The following NFIB variants were observed in gnomAD, a reference collection of about 807,000 sequenced individuals.
NFIB encodes the protein nuclear factor I B, also known as nuclear factor 1 B-type.
A neutral mutation model predicts 61.5 loss-of-function variants in NFIB; 11 were observed. That is an observed-to-expected ratio of 0.18 (90% confidence interval 0.11 to 0.30). NFIB has a LOEUF of 0.30. Among genes scored for constraint, NFIB ranks in the 10% least tolerant of loss-of-function variants. NFIB has a pLI of 1.00. For missense variants in NFIB, 471 were observed against 608.9 expected (o/e 0.77, Z 2.38); for synonymous variants, 260 against 216.5 (o/e 1.20, Z -1.76).
chr9:14,341,324 A>G (rs570787639), intron 1 of NFIB, among the ~76,000 whole-genome samples: 2 of 152,278 alleles, frequency 1.3e-5, no homozygotes, highest in East Asian at 3.9e-4. Context: ...GAAATCTGCA[A>G]TGAGAAGGGG....
chr9:14,309,548 T>C (rs968722080), intron 1 of NFIB, among the ~76,000 whole-genome samples: 9 of 152,238 alleles, frequency 5.9e-5, no homozygotes, highest in Non-Finnish European at 1.3e-4. Context: ...ATTCAGTTAC[T>C]ATGCGAGCAC....
intron 2 of NFIB, among the ~76,000 whole-genome samples, chr9:14,190,429 A>T (rs1276092394): frequency 1.3e-5 from 2 of 152,226 alleles, no homozygotes; most frequent in African/African-American, 2.4e-5. Context: ...ATTAGAGGAA[A>T]AAAATCAGAT....
At chr9:14,396,544 G>A (rs1381442925) in intron 1 of NFIB, among the ~76,000 whole-genome samples, 1 of 151,278 alleles carries the variant, frequency 6.6e-6, no homozygotes, top group Non-Finnish European at 1.5e-5. Context: ...CCTGGGCTTT[G>A]GGGAAAAAAA....
At chr9:14,095,745 G>T (rs2034673404) in intron 10 of NFIB, among the ~76,000 whole-genome samples, 2 of 151,986 alleles carry the variant, frequency 1.3e-5, no homozygotes, top group Admixed American at 6.6e-5. Context: ...CCTCTTAAAG[G>T]TGAAACTTAC....
chr9:14,194,917 T>C (rs2048317038), intron 2 of NFIB, among the ~76,000 whole-genome samples: 1 of 152,026 alleles, frequency 6.6e-6, no homozygotes, highest in South Asian at 2.1e-4. Context: ...TTTTTTAATA[T>C]TGGAGGTGCA....
rs76667379 is a variant in NFIB, at chr9:14,379,290, A to T, written c.108+19234T>A. Among the ~76,000 whole-genome samples the T allele has an allele frequency of 4.1e-4, 62 of 152,322 alleles. 1 individual carries two copies. In the East Asian group the frequency reaches 0.011, roughly 27 times the overall value. On this transcript the variant is annotated intron_variant, in intron 1 of 8. Transcript: ENST00000380934. Reference sequence around the variant, plus strand: ...GATAAAGGAAGCTTGACTGAGCAGGAGTGGGAGTGGAAAGACAGAGCTATT... The same window carrying T: ...GATAAAGGAAGCTTGACTGAGCAGGTGTGGGAGTGGAAAGACAGAGCTATT...
chr9:14,258,357 T>C (rs560104436), intron 2 of NFIB, among the ~76,000 whole-genome samples: 1 of 152,376 alleles, frequency 6.6e-6, no homozygotes, highest in South Asian at 2.1e-4. Context: ...GAACAGCATG[T>C]TGTCTAAGTA....
chr9:14,220,787 G>A (rs1010400225), intron 2 of NFIB, among the ~76,000 whole-genome samples: 3 of 149,910 alleles, frequency 2.0e-5, no homozygotes, highest in Admixed American at 6.7e-5. Flanking sequence ...GCCCAGTGCA[G>A]ATGAGGTTCC....
the NFIB span, among the ~76,000 whole-genome samples, chr9:14,409,515 C>T: frequency 2.0e-5 from 3 of 152,164 alleles, no homozygotes; most frequent in Admixed American, 1.3e-4. Flanking sequence ...GCAGCAGCAA[C>T]AGACGGCTCT....
intron 10 of NFIB, among the ~76,000 whole-genome samples, chr9:14,090,435 T>C (rs1260118220): frequency 1.3e-5 from 2 of 152,130 alleles, no homozygotes; most frequent in Admixed American, 1.3e-4. Context: ...CCCTCAACTG[T>C]GTTTCCACTG....
Position 14,285,771 on chromosome 9 carries a change from C to G in NFIB, c.562+21218G>C, listed in dbSNP as rs1313793473. ...TAAATGTTAGCTAAATGGCAATGGT[C>G]ACATGTGGAAAAGCACCACAGCTAG... On this transcript the variant is annotated intron_variant, in intron 2 of 10. Coordinates refer to ENST00000380953, the MANE Select transcript of NFIB (RefSeq NM_001190737.2). 1.3e-5 allele frequency among the ~76,000 whole-genome samples: 2 copies of G among 152,124 alleles called. 1 individual carries two copies. Among genetic ancestry groups the G allele is most frequent in the South Asian group, 4.1e-4 (2 of 4,822 alleles).
the NFIB span, among the ~76,000 whole-genome samples, chr9:14,439,038 A>G: frequency 6.6e-6 from 1 of 152,174 alleles, no homozygotes; most frequent in East Asian, 1.9e-4. Context: ...ATTTATGGCC[A>G]ACAGGGTTCT....
the NFIB span, among the ~76,000 whole-genome samples, chr9:14,441,878 A>G: frequency 6.6e-6 from 1 of 152,158 alleles, no homozygotes; most frequent in African/African-American, 2.4e-5. Context: ...GGCAACTATG[A>G]TTGTATTACC....
the NFIB span, among the ~76,000 whole-genome samples, chr9:14,453,712 T>A: frequency 3.9e-5 from 6 of 152,212 alleles, no homozygotes; most frequent in Non-Finnish European, 7.3e-5. Flanking sequence ...CCGTTTGAAA[T>A]GGTGACATTA....
At chr9:14,260,654 T>C (rs1018211379) in intron 2 of NFIB, among the ~76,000 whole-genome samples, 1 of 152,206 alleles carries the variant, frequency 6.6e-6, no homozygotes, top group Non-Finnish European at 1.5e-5. Context: ...GGTGTGCCAG[T>C]CGAGCATATC....
chr9:14,369,452 T>C (rs1252600338), intron 1 of NFIB, among the ~76,000 whole-genome samples: 1 of 152,178 alleles, frequency 6.6e-6, no homozygotes, highest in Admixed American at 6.5e-5. Flanking sequence ...AGTTCTTCCT[T>C]CTGGAGCCAT....
At chr9:14,432,320 G>A in the NFIB span, among the ~76,000 whole-genome samples, 1 of 152,192 alleles carries the variant, frequency 6.6e-6, no homozygotes, top group Admixed American at 6.5e-5. Context: ...AAGAAATATG[G>A]GGTGAGATGG....
chr9:14,390,118 C>G (rs796091421), intron 1 of NFIB, among the ~76,000 whole-genome samples: 12 of 152,240 alleles, frequency 7.9e-5, no homozygotes, highest in African/African-American at 2.9e-4. Flanking sequence ...ACCAGGAAAA[C>G]TTCCAGCACC....
chr9:14,188,301 G>A (rs534896690), intron 2 of NFIB, among the ~76,000 whole-genome samples: 2 of 151,760 alleles, frequency 1.3e-5, no homozygotes, highest in South Asian at 2.1e-4. Flanking sequence ...GAGTCCCTGG[G>A]AGCAAATCCA....
Sources: gnomAD v4.1 joint callset for allele counts (sites outside exome capture counted in the v4.1 genomes callset) on GRCh38, gnomAD v4.1.1 for gene constraint, MANE v1.5 for transcripts, NCBI Gene and HGNC (gene_info 2026-07-23, HGNC 2026-07-21) for gene names.